CRTC3: variants seen among roughly 807,000 people sequenced by gnomAD.
The protein encoded by CRTC3 is CREB-regulated transcription coactivator 3.
A neutral mutation model predicts 74.5 loss-of-function variants in CRTC3; 26 were observed. The observed-to-expected ratio is 0.35, with a 90% confidence interval of 0.26 to 0.48. The LOEUF is 0.48. CRTC3 is among the 20% of genes least tolerant of loss of function. CRTC3 has a pLI of 0.99. For missense variants in CRTC3, 760 were observed against 787.3 expected (o/e 0.97, Z 0.41); for synonymous variants, 377 against 325.8 (o/e 1.16, Z -1.69).
At chr15:90,624,827 CCA>C (rs1311858400) in intron 9 of CRTC3, 2 of 152,450 alleles carry the variant, frequency 1.3e-5, no homozygotes, top group Admixed American at 1.3e-4. Context: ...AGGGAACGTA[CCA>C]CCAGTGTATA....
chr15:90,540,151 T>C lies in CRTC3; in HGVS notation c.231+14T>C, dbSNP rs1966780286. 3.9e-6 allele frequency: 6 copies of C among 1,527,836 alleles called. No individual in the cohort carries two copies. The highest frequency in any genetic ancestry group is 1.2e-5 in the South Asian group (1 of 86,014). 94.6% of individuals were successfully genotyped at this position (1,527,836 alleles called of 1,614,324 possible). A position where few individuals can be genotyped will look rare whatever the true frequency, so the allele number is the denominator to read the frequency against. ...TCAGAGTTTCAGGTACCTCCAGATA[T>C]GTACTTTCTTGAAGCTGAATGGAGT... On this transcript the variant is annotated intron_variant, in intron 2 of 14. Coordinates refer to ENST00000268184, the MANE Select transcript of CRTC3 (RefSeq NM_022769.5).
chr15:90,619,799 T>G lies in CRTC3; in HGVS notation c.749+9T>G. The G allele has an allele frequency of 1.2e-6, 2 of 1,611,220 alleles. No homozygotes were observed. The highest frequency in any genetic ancestry group is 1.7e-6 in the Non-Finnish European group (2 of 1,177,296). On this transcript the variant is annotated intron_variant, in intron 9 of 14. Transcript: ENST00000268184. ...GATGTTGGAGGTGGCAAGTAAGTAA[T>G]ATTCTTTCTGTTCGTGTTTCAGGGA...
chr15:90,537,647 G>C (rs1966742009), intron 1 of CRTC3, among the ~76,000 whole-genome samples: 1 of 152,166 alleles, frequency 6.6e-6, no homozygotes, highest in South Asian at 2.1e-4. Flanking sequence ...GCCTCCCAAA[G>C]TTCTGGGATT....
chr15:90,635,545 T>A (rs1471029114), intron 11 of CRTC3, among the ~76,000 whole-genome samples: 1 of 152,154 alleles, frequency 6.6e-6, no homozygotes, highest in African/African-American at 2.4e-5. Flanking sequence ...CTCGGGAGAC[T>A]GAGGCAGGAG....
In CRTC3 at chr15:90,619,808, T is replaced by C; in HGVS notation, c.749+18T>C. The C allele has an allele frequency of 1.2e-6, 2 of 1,608,666 alleles. No homozygotes were observed. Among genetic ancestry groups the C allele is most frequent in the Non-Finnish European group, 1.7e-6 (2 of 1,174,994 alleles). ...GGTGGCAAGTAAGTAATATTCTTTC[T>C]GTTCGTGTTTCAGGGACTATCCTGA... is the stretch of plus-strand genomic sequence containing the variant. On this transcript the variant is annotated intron_variant, in intron 9 of 14. Transcript: ENST00000268184.
intron 10 of CRTC3, among the ~76,000 whole-genome samples, chr15:90,627,662 C>T (rs1251532741): frequency 1.3e-5 from 2 of 151,260 alleles, no homozygotes. Flanking sequence ...TGCTGTGTCG[C>T]CCAGGCTGGA....
chr15:90,578,344 C>T (rs1260339165), intron 2 of CRTC3, among the ~76,000 whole-genome samples: 1 of 151,962 alleles, frequency 6.6e-6, no homozygotes, highest in African/African-American at 2.4e-5. Flanking sequence ...GTTAGGAGTT[C>T]GAGACCAGCC....
chr15:90,566,598 A>G (rs986139261), intron 2 of CRTC3, among the ~76,000 whole-genome samples: 1 of 151,794 alleles, frequency 6.6e-6, no homozygotes, highest in African/African-American at 2.4e-5. Flanking sequence ...ACATAAAAGT[A>G]CAGGATGAAG....
Position 90,641,180 on chromosome 15 carries a change from C to G in CRTC3, c.1632C>G (p.Leu544=). The G allele has an allele frequency of 1.2e-6, 2 of 1,613,004 alleles. No individual in the cohort carries two copies. The highest frequency in any genetic ancestry group is 1.7e-6 in the Non-Finnish European group (2 of 1,179,076). Residue 544 remains leucine, a synonymous_variant, in exon 14 of 15, where the codon CTC becomes CTG. Coordinates refer to ENST00000268184, the MANE Select transcript of CRTC3 (RefSeq NM_022769.5). ...GCCCGTATTCCAACTGCGGGAGTCT[C>G]CCGAACACCATCCTGCCAGGTGAGC... ...RPSPYSNCGS[L]PNTILPEDSS...
chr15:90,539,456 C>T (rs1966769406), intron 1 of CRTC3, among the ~76,000 whole-genome samples: 1 of 151,998 alleles, frequency 6.6e-6, no homozygotes, highest in African/African-American at 2.4e-5. Context: ...CGGCAGTATA[C>T]GTTGAGAGCC....
At chr15:90,560,657 G>C (rs1374020117) in intron 2 of CRTC3, among the ~76,000 whole-genome samples, 1 of 152,208 alleles carries the variant, frequency 6.6e-6, no homozygotes, top group African/African-American at 2.4e-5. Context: ...CACCAGCTCT[G>C]CAGATCCTCA....
At chr15:90,578,509 G>A (rs986044085) in intron 2 of CRTC3, among the ~76,000 whole-genome samples, 3 of 151,722 alleles carry the variant, frequency 2.0e-5, no homozygotes, top group Non-Finnish European at 2.9e-5. Flanking sequence ...AGCTGAGATC[G>A]CAACATTGCA....
chr15:90,555,376 G>A (rs1966879189), intron 2 of CRTC3, among the ~76,000 whole-genome samples: 1 of 152,144 alleles, frequency 6.6e-6, no homozygotes, highest in Non-Finnish European at 1.5e-5. Flanking sequence ...GCCTTTATGA[G>A]TAAGATATTA....
At chr15:90,538,077 G>A (rs1049825785) in intron 1 of CRTC3, among the ~76,000 whole-genome samples, 1 of 152,178 alleles carries the variant, frequency 6.6e-6, no homozygotes, top group African/African-American at 2.4e-5. Flanking sequence ...TCTGAAGGCA[G>A]GAACTTTAGC....
chr15:90,587,964 G>A (rs946022573), intron 2 of CRTC3, among the ~76,000 whole-genome samples: 10 of 151,482 alleles, frequency 6.6e-5, no homozygotes, highest in African/African-American at 2.4e-4. Flanking sequence ...TCAAGAAAAT[G>A]GGGCCAGGCA....
At chr15:90,564,742 C>T (rs951934067) in intron 2 of CRTC3, among the ~76,000 whole-genome samples, 1 of 152,124 alleles carries the variant, frequency 6.6e-6, no homozygotes, top group Non-Finnish European at 1.5e-5. Flanking sequence ...AGCAAAGAAA[C>T]ATCTGGGAGT....
In CRTC3 at chr15:90,644,977, G is replaced by A. The variant is rs1342169936; in HGVS notation, c.*2837G>A. ...TAGGACATAGGGGGTTAGGAGAAGG[G>A]GTTTCTTGATCATGTCATGAATTCT... On this transcript the variant is annotated 3_prime_UTR_variant, in exon 15 of 15. Coordinates refer to ENST00000268184, the MANE Select transcript of CRTC3 (RefSeq NM_022769.5). 4.3e-6 allele frequency: 1 copy of A among 232,190 alleles called. No homozygotes were observed. The highest frequency in any genetic ancestry group is 8.5e-6 in the Non-Finnish European group (1 of 117,518). 14.4% of individuals were successfully genotyped at this position (232,190 alleles called of 1,614,324 possible).
chr15:90,627,804 C>T (rs768900495), intron 10 of CRTC3, among the ~76,000 whole-genome samples: 10 of 119,138 alleles, frequency 8.4e-5, no homozygotes, highest in South Asian at 2.6e-4. Context: ...TTAGTAGAGA[C>T]GGGGTTTCAC....
chr15:90,628,854 G>C (rs1968932380), intron 10 of CRTC3, among the ~76,000 whole-genome samples: 1 of 151,980 alleles, frequency 6.6e-6, no homozygotes, highest in Admixed American at 6.6e-5. Context: ...GTGTGCTTGG[G>C]ACAGAGACCT....
Sources: allele counts gnomAD v4.1 joint callset (sites outside exome capture counted in the v4.1 genomes callset), GRCh38; gene constraint gnomAD v4.1.1; transcripts MANE v1.5; gene names NCBI Gene and HGNC (gene_info 2026-07-23, HGNC 2026-07-21).